The following UCKL1 variants were observed in gnomAD, a reference collection of about 807,000 sequenced individuals.
UCKL1 encodes uridine-cytidine kinase 1 like 1, also known as uridine-cytidine kinase-like 1.
UCKL1 carries 65 observed loss-of-function variants against 59.2 expected under a neutral mutation model. The observed-to-expected ratio is 1.10, with a 90% CI of 0.90 to 1.35. UCKL1 has a LOEUF of 1.35. Among genes scored for constraint, UCKL1 ranks in the 40% most tolerant of loss-of-function variants. The pLI is 0.00. For missense variants in UCKL1, 703 were observed against 784.3 expected, an observed-to-expected ratio of 0.90 and a Z score of 1.24; for synonymous variants, 410 against 323.1, an observed-to-expected ratio of 1.27 and a Z score of -2.88.
rs1208775386 is a variant in UCKL1 at position 63,956,331 on chromosome 20, G to A, written c.42C>T (p.Pro14=). Residue 14 remains proline, a synonymous_variant, in exon 1 of 15, where the codon CCC becomes CCT. Coordinates refer to ENST00000354216, the MANE Select transcript of UCKL1 (RefSeq NM_017859.4). ...TGTCTCGGGCCGTAGGTGGCGACGT[G>A]GGCGAAGGATCAGCGTCCGCGCGGG... is the stretch of plus-strand genomic sequence containing the variant. The part of the protein sequence containing the change: ...PPARADADPS[P]TSPPTARDTP... The A allele has an allele frequency of 1.9e-6, 3 of 1,553,544 alleles. No individual in the cohort carries two copies. Among genetic ancestry groups the A allele is most frequent in the Middle Eastern group, 1.7e-4 (1 of 5,730 alleles).
At chr20:63,948,002 G>T (rs1400975846) in intron 1 of UCKL1, among the ~76,000 whole-genome samples, 1 of 152,212 alleles carries the variant, frequency 6.6e-6, no homozygotes, top group South Asian at 2.1e-4. Context: ...GGGGGGTTGG[G>T]GGGGCATCAA....
intron 8 of UCKL1, chr20:63,941,453 G>A (rs2054377745): frequency 3.5e-6 from 2 of 577,282 alleles, no homozygotes; most frequent in Non-Finnish European, 6.3e-6. Flanking sequence ...CAGAAAGCTA[G>A]CGGGGTAGGC....
In UCKL1 at chr20:63,940,995, C is replaced by A. The variant is rs1490664586; in HGVS notation, c.1071G>T (p.Leu357=). Residue 357 remains leucine, a synonymous_variant, in exon 10 of 15, where the codon CTG becomes CTT. Coordinates refer to ENST00000354216, the MANE Select transcript of UCKL1 (RefSeq NM_017859.4). The part of the protein sequence containing the change: ...RDEFIFYSKR[L]MRLLIEHALS... ...GCGCGTGCTCGATGAGCAGCCGCAT[C>A]AGTCTCTTGGAGTAGAAGATGAACT... 1 of 1,537,704 alleles carries A rather than the reference C, an allele frequency of 6.5e-7. No homozygotes were observed. The highest frequency in any genetic ancestry group is 2.1e-5 in the Admixed American group (1 of 48,778).
chr20:63,939,848 A>C lies in UCKL1; in HGVS notation c.*128T>G, dbSNP rs1229863890. 1 of 885,350 alleles carries C rather than the reference A, an allele frequency of 1.1e-6. No individual in the cohort carries two copies. The highest frequency in any genetic ancestry group is 1.7e-6 in the Non-Finnish European group (1 of 588,906). The allele number at this position is 885,350 out of a possible 1,614,324, so 54.8% of individuals were successfully genotyped here. The stretch of plus-strand genomic sequence containing the variant: ...CACACCTTCATTTTTCTAAAGCTTT[A>C]TTTATTTTATAAAATGCATAGAATA... On this transcript the variant is annotated 3_prime_UTR_variant, in exon 15 of 15. Coordinates refer to ENST00000354216, the MANE Select transcript of UCKL1 (RefSeq NM_017859.4).
At chr20:63,941,889 G>A (rs1409538541) in intron 8 of UCKL1, among the ~76,000 whole-genome samples, 1 of 145,672 alleles carries the variant, frequency 6.9e-6, no homozygotes, top group Non-Finnish European at 1.5e-5. Flanking sequence ...TGATGCAGGG[G>A]CAGGAAGAGG....
intron 1 of UCKL1, among the ~76,000 whole-genome samples, chr20:63,949,885 A>C (rs1037524391): frequency 2.0e-5 from 3 of 152,350 alleles, no homozygotes; most frequent in Admixed American, 2.0e-4. Flanking sequence ...GCTGGGACTA[A>C]CTTGAGGGAC....
chr20:63,953,491 A>T (rs1486434694), intron 1 of UCKL1: 2 of 152,170 alleles, frequency 1.3e-5, no homozygotes, highest in Non-Finnish European at 2.9e-5. Context: ...ATCTGAGGTC[A>T]GGAGTTCAAG....
At chr20:63,948,666 A>T (rs1243396573) in intron 1 of UCKL1, among the ~76,000 whole-genome samples, 4 of 67,886 alleles carry the variant, frequency 5.9e-5, no homozygotes, top group Non-Finnish European at 8.7e-5. Context: ...GGCGTGTGTG[A>T]GAGGGAGGGG....
chr20:63,950,234 C>T (rs1347170796), intron 1 of UCKL1, among the ~76,000 whole-genome samples: 1 of 152,180 alleles, frequency 6.6e-6, no homozygotes, highest in Non-Finnish European at 1.5e-5. Flanking sequence ...GCTGGTCTGT[C>T]TCAGAGCCAA....
At chr20:63,952,071 G>C (rs1050221394) in intron 1 of UCKL1, among the ~76,000 whole-genome samples, 6 of 152,168 alleles carry the variant, frequency 3.9e-5, no homozygotes, top group Admixed American at 6.5e-5. Context: ...AGGCAGGACC[G>C]GCCCATCTGT....
At position 63,944,341 on chromosome 20, in the gene UCKL1, G is replaced by A. The variant is rs998491948; in HGVS notation, c.906+56C>T. 1.4e-4 allele frequency: 210 copies of A among 1,499,870 alleles called. 1 individual carries two copies. The highest frequency in any genetic ancestry group is 1.8e-4 in the Non-Finnish European group (195 of 1,113,942). 92.9% of individuals were successfully genotyped at this position (1,499,870 alleles called of 1,614,324 possible). A position where few individuals can be genotyped will look rare whatever the true frequency, so the allele number is the denominator to read the frequency against. On this transcript the variant is annotated intron_variant, in intron 7 of 14. Transcript: ENST00000354216. The stretch of plus-strand genomic sequence containing the variant: ...CAGGCCACTGGGGGTGGTGGCAGCG[G>A]AGAAGTGGGTAGAGGGGCTGGGGGC...
chr20:63,946,135 C>A (rs962826341), intron 3 of UCKL1, 26 bp downstream of exon 3: 19 of 1,610,536 alleles, frequency 1.2e-5, no homozygotes, highest in Admixed American at 1.0e-4. Context: ...CAAAGGGGTC[C>A]TCGGGGGAGC....
chr20:63,940,938 C>G lies in UCKL1; in HGVS notation c.1116+12G>C, dbSNP rs201491234. On this transcript the variant is annotated intron_variant, in intron 10 of 14. Transcript: ENST00000354216. The stretch of plus-strand genomic sequence containing the variant: ...GACCCACCCTCCACCTCGCGGGCTA[C>G]GGGCTACGAACCTGAAAGGGCAGGA... 65 of 1,520,482 alleles carry G rather than the reference C, an allele frequency of 4.3e-5. No individual in the cohort carries two copies. The East Asian group carries it at 8.4e-4, about 20-fold the overall frequency. 94.2% of individuals were successfully genotyped at this position (1,520,482 alleles called of 1,614,324 possible).
At chr20:63,942,710 A>C in intron 8 of UCKL1, 1 of 494,234 alleles carries the variant, frequency 2.0e-6, no homozygotes, top group Non-Finnish European at 4.2e-6. Context: ...GAGTGCAGCC[A>C]CAGGCCAACA....
chr20:63,949,289 C>G (rs817310), intron 1 of UCKL1, among the ~76,000 whole-genome samples: 81,838 of 152,064 alleles, frequency 0.54, 23,042 homozygotes, highest in African/African-American at 0.62. Context: ...CAGGCGAGGG[C>G]GGCCCGGGGG....
chr20:63,941,435 C>T (rs1382912537), intron 8 of UCKL1: 1 of 634,974 alleles, frequency 1.6e-6, no homozygotes, highest in Non-Finnish European at 2.8e-6. Context: ...GGCAAGCTCA[C>T]CATCAGGCAG....
chr20:63,950,894 G>T (rs992879046), intron 1 of UCKL1: 17 of 1,426,748 alleles, frequency 1.2e-5, no homozygotes, highest in Admixed American at 2.9e-5. Context: ...TGGGGGCTCA[G>T]GCGCAGGCAG....
At chr20:63,951,139 C>T in intron 1 of UCKL1, 1 of 1,086,298 alleles carries the variant, frequency 9.2e-7, no homozygotes, top group Non-Finnish European at 1.1e-6. Context: ...GGGAACAGCA[C>T]TCACTGCCGT....
Position 63,956,128 on chromosome 20 carries a change from C to G in UCKL1, c.113+132G>C, listed in dbSNP as rs1362053845. 5.0e-5 allele frequency: 45 copies of G among 891,980 alleles called. No homozygotes were observed. In the South Asian group the frequency reaches 9.0e-4, roughly 18 times the overall value. 55.3% of individuals were successfully genotyped at this position (891,980 alleles called of 1,614,324 possible). ...GGGTTCCACCCGGCACGTGGGAGAA[C>G]GGGGCGCCGCCGCCTGGCCTCCGGG... On this transcript the variant is annotated intron_variant, in intron 1 of 14. Transcript: ENST00000354216.
Sources: allele counts gnomAD v4.1 joint callset (sites outside exome capture counted in the v4.1 genomes callset), GRCh38; gene constraint gnomAD v4.1.1; transcripts MANE v1.5; gene names NCBI Gene and HGNC (gene_info 2026-07-23, HGNC 2026-07-21).